Variants in RNF6 observed in about 807,000 individuals in gnomAD.
The protein encoded by RNF6 is ring finger protein 6, also known as E3 ubiquitin-protein ligase RNF6.
Under a neutral mutation model 50.1 loss-of-function variants are expected in RNF6, and 21 were observed. That is an observed-to-expected ratio of 0.42 (90% CI 0.30 to 0.60). The LOEUF (loss-of-function observed/expected upper bound fraction) is 0.60, where lower values mean the gene tolerates loss of function less well. Among genes scored for constraint, RNF6 ranks in the 20% least tolerant of loss-of-function variants. The pLI, the probability that RNF6 is intolerant of heterozygous loss-of-function variation, is 0.20. For synonymous variants in RNF6, 255 were observed against 291.8 expected (o/e 0.87, Z 1.29); for missense variants, 698 against 838.2 (o/e 0.83, Z 2.07).
chr13:26,189,070 C>T (rs1408132428), intron 5 of RNF6, among the ~76,000 whole-genome samples: 5 of 152,002 alleles, frequency 3.3e-5, no homozygotes, highest in South Asian at 2.1e-4. Context: ...GGCTAACGCC[C>T]GTAATCCCAG....
chr13:26,201,908 A>T (rs1466985383), intron 5 of RNF6, among the ~76,000 whole-genome samples: 1 of 152,130 alleles, frequency 6.6e-6, no homozygotes, highest in Admixed American at 6.5e-5. Context: ...CCAGCTGTGG[A>T]TCTGCTTGGA....
At chr13:26,137,519 T>C (rs1224928573) in intron 5 of RNF6, among the ~76,000 whole-genome samples, 3 of 152,016 alleles carry the variant, frequency 2.0e-5, no homozygotes. Flanking sequence ...GTCTAGACTT[T>C]GGGCTTATTA....
chr13:26,158,438 A>G (rs1425463435), intron 5 of RNF6, among the ~76,000 whole-genome samples: 2 of 152,196 alleles, frequency 1.3e-5, no homozygotes, highest in Non-Finnish European at 2.9e-5. Flanking sequence ...CAAGATAGAT[A>G]AATATAAAGT....
At chr13:26,141,458 A>G (rs2137556481) in intron 5 of RNF6, among the ~76,000 whole-genome samples, 1 of 151,946 alleles carries the variant, frequency 6.6e-6, no homozygotes, top group African/African-American at 2.4e-5. Context: ...GCCAGAGGCA[A>G]CAGATTACCC....
intron 5 of RNF6, among the ~76,000 whole-genome samples, chr13:26,143,504 AG>A (rs1002169785): frequency 1.0e-4 from 15 of 149,484 alleles, no homozygotes; most frequent in Non-Finnish European, 2.1e-4. Context: ...TCAGAGCATA[AG>A]GTTGTAGGAA....
intron 5 of RNF6, among the ~76,000 whole-genome samples, chr13:26,196,332 ACT>A (rs1868661084): frequency 6.6e-6 from 1 of 151,972 alleles, no homozygotes; most frequent in Admixed American, 6.6e-5. Flanking sequence ...AACAACAAAA[ACT>A]CTTTCAAAAA....
At chr13:26,134,500 GT>G (rs911891475) in intron 5 of RNF6, among the ~76,000 whole-genome samples, 3 of 151,758 alleles carry the variant, frequency 2.0e-5, no homozygotes, top group Non-Finnish European at 4.4e-5. Context: ...GGTTTTTTGA[GT>G]TTTTTTGTCA....
intron 5 of RNF6, among the ~76,000 whole-genome samples, chr13:26,154,795 T>A (rs757395293): frequency 5.9e-5 from 9 of 152,160 alleles, no homozygotes; most frequent in Non-Finnish European, 1.3e-4. Flanking sequence ...TTTGGGAGGC[T>A]GAAGTGGGTG....
In RNF6 at chr13:26,135,834, T is replaced by C. The variant is rs188836373; in HGVS notation, n.769-3383A>G. 2.6e-5 allele frequency among the ~76,000 whole-genome samples: 4 copies of C among 152,250 alleles called. No homozygotes were observed. The East Asian group carries it at 5.8e-4, about 22-fold the overall frequency. ...TAGTGATGAGTGAGTTTTCACTCTA[T>C]AATTTCGTTGCAAGATCTGGTTGTT... On this transcript the variant is annotated intron_variant and non_coding_transcript_variant, in intron 5 of 5. Coordinates refer to the RNF6 transcript ENST00000468480.
chr13:26,201,722 G>A (rs572539956), intron 5 of RNF6, among the ~76,000 whole-genome samples: 2 of 152,162 alleles, frequency 1.3e-5, no homozygotes, highest in South Asian at 4.1e-4. Context: ...CTCTGATCCT[G>A]GGAGTATAAA....
chr13:26,181,597 C>T (rs1297182674), intron 5 of RNF6, among the ~76,000 whole-genome samples: 1 of 152,200 alleles, frequency 6.6e-6, no homozygotes, highest in Admixed American at 6.5e-5. Context: ...AGTTTCAGAG[C>T]TGTCAGTAAA....
chr13:26,132,994 C>A (rs1335703257), intron 5 of RNF6, among the ~76,000 whole-genome samples: 1 of 152,082 alleles, frequency 6.6e-6, no homozygotes, highest in South Asian at 2.1e-4. Flanking sequence ...AGAGATCAGA[C>A]TTTGAAAACC....
intron 5 of RNF6, among the ~76,000 whole-genome samples, chr13:26,143,188 G>T (rs1354318398): frequency 6.6e-6 from 1 of 152,138 alleles, no homozygotes; most frequent in African/African-American, 2.4e-5. Flanking sequence ...TATTAATTCT[G>T]CCTGAATTAG....
At chr13:26,172,182 T>A (rs554337848) in intron 5 of RNF6, among the ~76,000 whole-genome samples, 1 of 152,290 alleles carries the variant, frequency 6.6e-6, no homozygotes, top group African/African-American at 2.4e-5. Context: ...ATAATCTACA[T>A]ACGCAGCCTG....
At chr13:26,201,844 A>T (rs1273852877) in intron 5 of RNF6, among the ~76,000 whole-genome samples, 1 of 152,182 alleles carries the variant, frequency 6.6e-6, no homozygotes, top group East Asian at 1.9e-4. Flanking sequence ...ATTACGTTAC[A>T]ACCCAAAAGT....
chr13:26,221,203 G>A (rs562006326), intron 2 of RNF6, 45 bp downstream of exon 2: 1 of 152,270 alleles, frequency 6.6e-6, no homozygotes, highest in South Asian at 2.1e-4. Context: ...CTCCTTAAAG[G>A]TAATTTTCTT....
At chr13:26,200,402 ATTCTT>A (rs763896295) in intron 5 of RNF6, among the ~76,000 whole-genome samples, 425 of 102,286 alleles carry the variant, frequency 4.2e-3, no homozygotes, top group African/African-American at 0.015. Flanking sequence ...ACTGTTTGAA[ATTCTT>A]TTTTTTTTTT....
chr13:26,184,016 ATATTTTTTTTTTTTT>A (rs1298199679), intron 5 of RNF6, among the ~76,000 whole-genome samples: 4 of 38,570 alleles, frequency 1.0e-4, no homozygotes, highest in Non-Finnish European at 1.3e-4. Flanking sequence ...ATATATATAT[ATATTTTTTTTTTTTT>A]TTTTTTTTTT....
Position 26,157,941 on chromosome 13 carries a change from T to C in RNF6, n.769-25490A>G, listed in dbSNP as rs115239929. Among the ~76,000 whole-genome samples the C allele has an allele frequency of 4.0e-3, 586 of 147,124 alleles. 5 individuals carry two copies. The highest frequency in any genetic ancestry group is 0.014 in the African/African-American group (563 of 39,668). ...ATGGATGGATAGATGGATAGATGGA[T>C]GGCTAGCTAGCTAGAAGATAGATAG... On this transcript the variant is annotated intron_variant and non_coding_transcript_variant, in intron 5 of 5. Coordinates refer to the RNF6 transcript ENST00000468480.
Sources: gnomAD v4.1 joint callset for allele counts (sites outside exome capture counted in the v4.1 genomes callset) on GRCh38, gnomAD v4.1.1 for gene constraint, MANE v1.5 for transcripts, NCBI Gene and HGNC (gene_info 2026-07-23, HGNC 2026-07-21) for gene names.